Variants in CNNM3 observed in about 807,000 individuals in gnomAD.
The protein encoded by CNNM3 is cyclin and CBS domain divalent metal cation transport mediator 3.
CNNM3 carries 47 observed loss-of-function variants against 57.1 expected under a neutral mutation model. The observed-to-expected ratio is 0.82, with a 90% confidence interval of 0.65 to 1.05. The LOEUF (loss-of-function observed/expected upper bound fraction) is 1.05, where lower values mean the gene tolerates loss of function less well. Ranked by LOEUF, CNNM3 falls within the 50% of genes least tolerant of loss-of-function variation. The probability of loss-of-function intolerance (pLI) is 0.00; values close to 1 mark genes in which losing one functional copy is unlikely to be tolerated. For missense variants in CNNM3, 957 were observed against 973.7 expected, an observed-to-expected ratio of 0.98 and a Z score of 0.23; for synonymous variants, 507 against 478.2, an observed-to-expected ratio of 1.06 and a Z score of -0.79.
Position 96,832,597 on chromosome 2 carries a change from G to C in CNNM3, c.2105G>C (p.Gly702Ala), listed in dbSNP as rs898411552. Residue 702 changes from glycine to alanine, a missense_variant, in exon 8 of 8, where the codon GGG (glycine) becomes GCG (alanine). Physicochemically the swap from Gly to Ala is moderately conservative, Grantham distance 60. Coordinates refer to ENST00000305510, the MANE Select transcript of CNNM3 (RefSeq NM_017623.5). ...GGCGTCCCGGTGGAAGGCAGCCCTG[G>C]GCGGAACCCAGGCGTTTAACGGCTC... ...RPGVPVEGSP[G>A]RNPGV is the part of the protein sequence containing the mutation. The C allele has an allele frequency of 3.1e-6, 5 of 1,614,054 alleles. No homozygotes were observed.
intron 1 of CNNM3, among the ~76,000 whole-genome samples, chr2:96,823,245 G>T (rs966475012): frequency 3.9e-5 from 6 of 152,208 alleles, no homozygotes; most frequent in Non-Finnish European, 8.8e-5. Flanking sequence ...TGAAAGCAAA[G>T]GAGTGAGTCC....
chr2:96,828,745 G>A lies in CNNM3; in HGVS notation c.1920+45G>A, dbSNP rs375303580. 7 of 1,610,978 alleles carry A rather than the reference G, an allele frequency of 4.3e-6. 2 individuals carry two copies. The South Asian group carries it at 6.6e-5, about 15-fold the overall frequency. On this transcript the variant is annotated intron_variant, in intron 6 of 7. Coordinates refer to ENST00000305510, the MANE Select transcript of CNNM3 (RefSeq NM_017623.5). ...GTGGGTGCTGGCTTTAGCCGACTTT[G>A]TGTCACCGGGGGCTAGACCAGCTGG...
In CNNM3 at chr2:96,822,009, T is replaced by TA. The variant is rs1171731666; in HGVS notation, c.1226-3049_1226-3048insA. 3.5e-3 allele frequency among the ~76,000 whole-genome samples: 516 copies of TA among 149,164 alleles called. 2 individuals carry two copies. Among genetic ancestry groups the TA allele is most frequent in the African/African-American group, 9.1e-3 (371 of 40,670 alleles). The stretch of plus-strand genomic sequence containing the variant: ...AACATTATTATTATTATTATTATTT[T>TA]TTTTTTTTTTTTGAGATGGAGTGTT... On this transcript the variant is annotated intron_variant, in intron 1 of 7. Coordinates refer to ENST00000305510, the MANE Select transcript of CNNM3 (RefSeq NM_017623.5).
At position 96,817,151 on chromosome 2, in the gene CNNM3, G is replaced by T; in HGVS notation, c.874G>T (p.Glu292Ter). Residue 292 changes from glutamate to a stop codon, truncating the protein, a stop_gained, in exon 1 of 8, where the codon GAG becomes TAG. Coordinates refer to ENST00000305510, the MANE Select transcript of CNNM3 (RefSeq NM_017623.5). LOFTEE classifies it high-confidence loss of function. ...RPGRLRERVL[E>*]LARGGGDPYS... Reference sequence around the variant, plus strand: ...CGGGCGGCTGCGGGAGCGGGTGCTGGAGCTGGCGCGCGGCGGCGGCGACCC... The same window carrying T: ...CGGGCGGCTGCGGGAGCGGGTGCTGTAGCTGGCGCGCGGCGGCGGCGACCC... The T allele has an allele frequency of 3.5e-6, 5 of 1,420,634 alleles. No individual in the cohort carries two copies. The highest frequency in any genetic ancestry group is 4.6e-6 in the Non-Finnish European group (5 of 1,098,014). 88.0% of individuals were successfully genotyped at this position (1,420,634 alleles called of 1,614,324 possible). A position where few individuals can be genotyped will look rare whatever the true frequency, so the allele number is the denominator to read the frequency against.
At chr2:96,819,419 C>CG (rs1450783281) in intron 1 of CNNM3, among the ~76,000 whole-genome samples, 6 of 152,168 alleles carry the variant, frequency 3.9e-5, no homozygotes, top group Admixed American at 6.5e-5. Flanking sequence ...AACAGACCTG[C>CG]GGGGGGAGAC....
Position 96,816,777 on chromosome 2 carries a change from A to G in CNNM3, c.500A>G (p.Gln167Arg). 2 of 1,020,708 alleles carry G rather than the reference A, an allele frequency of 2.0e-6. No homozygotes were observed. The highest frequency in any genetic ancestry group is 4.7e-4 in the Middle Eastern group (1 of 2,106). The allele number at this position is 1,020,708 out of a possible 1,614,324, so 63.2% of individuals were successfully genotyped here. ...SALALAPAEV[Q>R]VLRESGSEAE... is the part of the protein sequence containing the mutation. ...CTGGCGCTGGCGCCTGCCGAGGTGC[A>G]GGTGCTGCGCGAGAGCGGCTCGGAG... Residue 167 changes from glutamine to arginine, a missense_variant, in exon 1 of 8, where the codon CAG becomes CGG. This residue lies in a region of CNNM3 where 466 missense variants were observed against 403.1 expected (regional missense o/e 1.16). Transcript: ENST00000305510.
downstream of CNNM3, among the ~76,000 whole-genome samples, chr2:96,835,547 CA>C (rs1053989850): frequency 6.6e-5 from 10 of 151,334 alleles, no homozygotes; most frequent in African/African-American, 2.4e-4. Context: ...CGGCTCACTG[CA>C]AGCTCTGCCT....
chr2:96,834,703 A>T lies in CNNM3; in HGVS notation c.*2087A>T, dbSNP rs951100180. On this transcript the variant is annotated 3_prime_UTR_variant, in exon 8 of 8. Coordinates refer to ENST00000305510, the MANE Select transcript of CNNM3 (RefSeq NM_017623.5). Reference sequence around the variant, plus strand: ...GGTTCCCCTAATGTTAACAGCTTACATATAACCTTGGTACATTTATCAAAA... The same window carrying T: ...GGTTCCCCTAATGTTAACAGCTTACTTATAACCTTGGTACATTTATCAAAA... Among the ~76,000 whole-genome samples the T allele has an allele frequency of 4.6e-5, 7 of 152,178 alleles. No homozygotes were observed. Among genetic ancestry groups the T allele is most frequent in the Non-Finnish European group, 8.8e-5 (6 of 68,044 alleles).
At chr2:96,831,496 A>T (rs771901820) in intron 7 of CNNM3, among the ~76,000 whole-genome samples, 3 of 152,240 alleles carry the variant, frequency 2.0e-5, no homozygotes, top group Non-Finnish European at 4.4e-5. Flanking sequence ...CAAGGGCCAC[A>T]TCTGGCTAGC....
chr2:96,817,368 AC>A lies in CNNM3; in HGVS notation c.1093del (p.Leu365SerfsTer55). On this transcript the variant is annotated frameshift_variant, in exon 1 of 8. Transcript: ENST00000305510. LOFTEE classifies it high-confidence loss of function. ...EERSNIVDML[Y>X]LKDLAFVDPE... Reference sequence around the variant, plus strand: ...CGCTCCAACATCGTGGACATGCTCTACCTCAAGGACTTGGCCTTCGTGGATC... The same window carrying A: ...CGCTCCAACATCGTGGACATGCTCTACTCAAGGACTTGGCCTTCGTGGATC... The A allele has an allele frequency of 6.2e-7, 1 of 1,614,106 alleles. No individual in the cohort carries two copies. The highest frequency in any genetic ancestry group is 8.5e-7 in the Non-Finnish European group (1 of 1,180,010).
intron 1 of CNNM3, among the ~76,000 whole-genome samples, chr2:96,821,355 G>A (rs973583552): frequency 1.3e-5 from 2 of 152,082 alleles, no homozygotes; most frequent in Non-Finnish European, 1.5e-5. Flanking sequence ...TTTAAAAATC[G>A]ATTCCCTTTC....
rs368520967 is a variant in CNNM3 at position 96,827,749 on chromosome 2, C to T, written c.1538C>T (p.Pro513Leu). 25 of 1,613,950 alleles carry T rather than the reference C, an allele frequency of 1.5e-5. No individual in the cohort carries two copies. The highest frequency in any genetic ancestry group is 1.9e-5 in the Non-Finnish European group (23 of 1,179,908). Reference sequence around the variant, plus strand: ...CGTGCAGAAGTGGATGTATTCAGCCCGCTGCGCATCTCTGAGAAGGTCCTG... The same window carrying T: ...CGTGCAGAAGTGGATGTATTCAGCCTGCTGCGCATCTCTGAGAAGGTCCTG... ...FLSREVDVFS[P>L]LRISEKVLLH... Residue 513 changes from proline (P) to leucine (L), a missense_variant, in exon 4 of 8, where the codon CCG (proline) becomes CTG (leucine). Around this residue, in one of 2 missense-constraint regions of CNNM3, gnomAD observed 491 missense variants for 570.6 expected, o/e 0.86. Coordinates refer to ENST00000305510, the MANE Select transcript of CNNM3 (RefSeq NM_017623.5).
At chr2:96,832,505 T>C in intron 7 of CNNM3, 47 bp from the exon 8 acceptor site, 1 of 1,613,042 alleles carries the variant, frequency 6.2e-7, no homozygotes, top group Non-Finnish European at 8.5e-7. Context: ...TTTGACAGGA[T>C]ACTTTACCAG....
chr2:96,817,315 C>A lies in CNNM3; in HGVS notation c.1038C>A (p.His346Gln), dbSNP rs764894369. The A allele has an allele frequency of 6.2e-7, 1 of 1,614,032 alleles. No individual in the cohort carries two copies. The highest frequency in any genetic ancestry group is 1.1e-5 in the South Asian group (1 of 91,082). The change falls in exon 1 of 8, where the codon CAC (histidine) becomes CAA (glutamine). Residue 346 changes from histidine to glutamine, a missense_variant. Transcript: ENST00000305510. ...GVLASIMQSG[H>Q]TRIPVYEEER... The stretch of plus-strand genomic sequence containing the variant: ...TGGCCAGCATCATGCAGAGCGGCCA[C>A]ACGCGCATCCCGGTGTACGAGGAGG...
chr2:96,822,982 G>A (rs192963958), intron 1 of CNNM3, among the ~76,000 whole-genome samples: 2 of 152,288 alleles, frequency 1.3e-5, no homozygotes, highest in Admixed American at 1.3e-4. Flanking sequence ...CTGTGGGCAG[G>A]CATCAGTGTG....
intron 1 of CNNM3, among the ~76,000 whole-genome samples, chr2:96,821,632 A>C (rs956367411): frequency 4.6e-5 from 7 of 151,168 alleles, no homozygotes; most frequent in Non-Finnish European, 7.3e-5. Flanking sequence ...CTTGACTTAC[A>C]AATGGAGTTA....
intron 2 of CNNM3, among the ~76,000 whole-genome samples, chr2:96,826,373 C>T (rs188540891): frequency 4.1e-4 from 62 of 152,146 alleles, no homozygotes; most frequent in African/African-American, 1.3e-3. Flanking sequence ...CCACCACACC[C>T]GTCTAATTAT....
At position 96,816,675 on chromosome 2, in the gene CNNM3, C is replaced by CGCCCTGG; in HGVS notation, c.401_407dup (p.Leu139SerfsTer288). On this transcript the variant is annotated frameshift_variant, in exon 1 of 8. Transcript: ENST00000305510. LOFTEE classifies it high-confidence loss of function. Reference sequence around the variant, plus strand: ...GGCGGGGCGGCTGAGGAGGCGGCGCCGCCCTGGGCTCTGGGCCTGGGGGCG... The same window carrying CGCCCTGG: ...GGCGGGGCGGCTGAGGAGGCGGCGCCGCCCTGGGCCCTGGGCTCTGGGCCTGGGGGCG... The CGCCCTGG allele has an allele frequency of 4.9e-6, 5 of 1,027,570 alleles. No individual in the cohort carries two copies. Among genetic ancestry groups the CGCCCTGG allele is most frequent in the Non-Finnish European group, 5.8e-6 (5 of 859,476 alleles). 63.7% of individuals were successfully genotyped at this position (1,027,570 alleles called of 1,614,324 possible).
At chr2:96,823,550 A>C (rs2079443744) in intron 1 of CNNM3, among the ~76,000 whole-genome samples, 1 of 152,166 alleles carries the variant, frequency 6.6e-6, no homozygotes, top group African/African-American at 2.4e-5. Context: ...CAGGGGCCCT[A>C]GCCTTCCTCC....
Sources: gnomAD v4.1 joint callset for allele counts (sites outside exome capture counted in the v4.1 genomes callset) on GRCh38, gnomAD v4.1.1 for gene constraint, gnomAD v4.1.1 regional missense constraint, MANE v1.5 for transcripts, NCBI Gene and HGNC (gene_info 2026-07-23, HGNC 2026-07-21) for gene names.